Variants in ATG2B observed in about 807,000 individuals in gnomAD.
The protein encoded by ATG2B is autophagy related 2B, also known as autophagy-related protein 2 homolog B.
Under a neutral mutation model 241.3 loss-of-function variants are expected in ATG2B, and 121 were observed. That is an observed-to-expected ratio of 0.50 (90% CI 0.43 to 0.58). ATG2B has a LOEUF of 0.58. Among genes scored for constraint, ATG2B ranks in the 20% least tolerant of loss-of-function variants. The pLI is 0.00. For synonymous variants in ATG2B, 858 were observed against 876.6 expected (o/e 0.98, Z 0.37); for missense variants, 2,306 against 2,491.6 (o/e 0.93, Z 1.59).
chr14:96,290,778 T>C lies in ATG2B; in HGVS notation c.5701+36A>G. 6.3e-7 allele frequency: 1 copy of C among 1,589,000 alleles called. No homozygotes were observed. Among genetic ancestry groups the C allele is most frequent in the Non-Finnish European group, 8.5e-7 (1 of 1,170,814 alleles). ...GATAAGAATTACTCATCTGAAAAAA[T>C]AACTTATCTTTTGATTAAAAAAGAA... On this transcript the variant is annotated intron_variant, in intron 39 of 41. Coordinates refer to ENST00000359933, the MANE Select transcript of ATG2B (RefSeq NM_018036.7). This position sits in a 1 kb window ranked among gnomAD's most constrained non-coding sequence, Gnocchi z 4.4.
At position 96,280,911 on chromosome 14, in the gene ATG2B, G is replaced by A. The variant is rs1245180972; in HGVS notation, c.*4844C>T. On this transcript the variant is annotated 3_prime_UTR_variant, in exon 42 of 42. Transcript: ENST00000359933. Reference sequence around the variant, plus strand: ...AAATAAATAAATAAAATAAAAATAAGTATGTCTTTTAAATATTCCCTTCAT... The same window carrying A: ...AAATAAATAAATAAAATAAAAATAAATATGTCTTTTAAATATTCCCTTCAT... The A allele has an allele frequency of 6.6e-6, 1 of 152,114 alleles. No individual in the cohort carries two copies. Among genetic ancestry groups the A allele is most frequent in the Non-Finnish European group, 1.5e-5 (1 of 68,020 alleles). 9.4% of individuals were successfully genotyped at this position (152,114 alleles called of 1,614,324 possible).
In ATG2B at chr14:96,316,620, A is replaced by C. The variant is rs1887319997; in HGVS notation, c.3274T>G (p.Ser1092Ala). The part of the protein sequence containing the change: ...GEFWLEFNSG[S>A]LFCVTKYEGF... ...TCATATTTTGTCACACAAAATAATG[A>C]ACCACTATTGAACTCTAACCAGAAT... The change falls in exon 21 of 42, where the codon TCA becomes GCA. Residue 1092 changes from serine to alanine, a missense_variant. Physicochemically the swap from Ser to Ala is moderately conservative, Grantham distance 99 (BLOSUM62 1). Transcript: ENST00000359933. 6.2e-7 allele frequency: 1 copy of C among 1,613,282 alleles called. No individual in the cohort carries two copies. Among genetic ancestry groups the C allele is most frequent in the Non-Finnish European group, 8.5e-7 (1 of 1,179,696 alleles).
intron 1 of ATG2B, among the ~76,000 whole-genome samples, chr14:96,348,819 C>T (rs1179819552): frequency 2.0e-5 from 3 of 152,128 alleles, no homozygotes; most frequent in South Asian, 4.1e-4. Flanking sequence ...ATGCATACCC[C>T]TTTTACCCTG....
Position 96,309,555 on chromosome 14 carries a change from G to A in ATG2B, c.4201C>T (p.Leu1401Phe). The A allele has an allele frequency of 1.2e-6, 2 of 1,614,024 alleles. No individual in the cohort carries two copies. The highest frequency in any genetic ancestry group is 2.2e-5 in the East Asian group (1 of 44,880). Residue 1401 changes from leucine to phenylalanine, a missense_variant, in exon 29 of 42, where the codon CTT becomes TTT. Physicochemically the swap from Leu to Phe is conservative, Grantham distance 22. Coordinates refer to ENST00000359933, the MANE Select transcript of ATG2B (RefSeq NM_018036.7). Reference sequence around the variant, plus strand: ...AACATTTGTTGATCTGCTTCAGGAAGTACTGGACCACGTGAGGATGATCGA... The same window carrying A: ...AACATTTGTTGATCTGCTTCAGGAAATACTGGACCACGTGAGGATGATCGA... ...SGRSSSRGPV[L>F]PEADQQMLRD...
In ATG2B at chr14:96,323,581, C is replaced by T. The variant is rs150761924; in HGVS notation, c.2540+315G>A. ...ATTATTTAACCGAAGTAGATCCAGT[C>T]CTTATGAAACTTGTGCTCTAAACTC... On this transcript the variant is annotated intron_variant, in intron 16 of 41. Coordinates refer to ENST00000359933, the MANE Select transcript of ATG2B (RefSeq NM_018036.7). Among the ~76,000 whole-genome samples the T allele has an allele frequency of 5.3e-3, 810 of 152,272 alleles. 27 individuals carry two copies. In the South Asian group the frequency reaches 0.067, roughly 13 times the overall value.
intron 20 of ATG2B, 69 bp downstream of exon 20, chr14:96,317,076 T>C: frequency 7.5e-7 from 1 of 1,333,388 alleles, no homozygotes; most frequent in Non-Finnish European, 1.0e-6. Context: ...AATCACTAGA[T>C]ATGTATCCTA....
intron 1 of ATG2B, among the ~76,000 whole-genome samples, chr14:96,359,837 G>A (rs1888576905): frequency 6.6e-6 from 1 of 152,204 alleles, no homozygotes; most frequent in Non-Finnish European, 1.5e-5. Flanking sequence ...ATAAGGATGT[G>A]AGAGGAAAAT....
chr14:96,302,182 A>C (rs1409947930), intron 33 of ATG2B, 74 bp from the exon 34 acceptor site: 1 of 954,580 alleles, frequency 1.0e-6, no homozygotes, highest in Non-Finnish European at 1.6e-6. Context: ...AATAAGAAAA[A>C]AAAAGAAAAA....
chr14:96,302,681 A>G (rs911935300), intron 33 of ATG2B, among the ~76,000 whole-genome samples: 2 of 152,230 alleles, frequency 1.3e-5, no homozygotes, highest in Non-Finnish European at 2.9e-5. Flanking sequence ...GAAGCTAACC[A>G]TAGGTCCATA....
intron 1 of ATG2B, among the ~76,000 whole-genome samples, chr14:96,360,145 T>C (rs1363367884): frequency 1.3e-5 from 2 of 152,246 alleles, no homozygotes; most frequent in Non-Finnish European, 2.9e-5. Context: ...TGGTTTCTCC[T>C]ATGGCCAAGT....
chr14:96,308,239 T>TATATATACAC (rs1566719605), intron 29 of ATG2B, among the ~76,000 whole-genome samples: 3 of 17,478 alleles, frequency 1.7e-4, no homozygotes, highest in Non-Finnish European at 3.8e-4. Context: ...TACATATATA[T>TATATATACAC]ATATATATAT....
intron 2 of ATG2B, 149 bp from the exon 3 acceptor site, chr14:96,345,534 A>T: frequency 3.6e-6 from 2 of 551,438 alleles, no homozygotes; most frequent in South Asian, 8.7e-5. Context: ...ATATTCTAGA[A>T]AGTACTCTTG....
intron 28 of ATG2B, among the ~76,000 whole-genome samples, chr14:96,310,013 G>A (rs1887105372): frequency 6.6e-6 from 1 of 152,134 alleles, no homozygotes; most frequent in African/African-American, 2.4e-5. Context: ...AACAACAGTA[G>A]GGGGCACACA....
rs557797500 is a variant in ATG2B at position 96,326,016 on chromosome 14, C to A, written c.2164-94G>T. On this transcript the variant is annotated intron_variant, in intron 14 of 41. Coordinates refer to ENST00000359933, the MANE Select transcript of ATG2B (RefSeq NM_018036.7). ...ACATTACAATATGTATAATCACTAT[C>A]TCCCCATTTGGTATAATGCATTAAA... 19 of 1,234,294 alleles carry A rather than the reference C, an allele frequency of 1.5e-5. No homozygotes were observed. The African/African-American group carries it at 2.6e-4, about 17-fold the overall frequency. The allele number at this position is 1,234,294 out of a possible 1,614,324, so 76.5% of individuals were successfully genotyped here. A position where few individuals can be genotyped will look rare whatever the true frequency, so the allele number is the denominator to read the frequency against.
rs1275289253 is a variant in ATG2B at position 96,317,726 on chromosome 14, A to G, written c.3009T>C (p.Phe1003=). 1 of 1,611,386 alleles carries G rather than the reference A, an allele frequency of 6.2e-7. No individual in the cohort carries two copies. The highest frequency in any genetic ancestry group is 1.7e-5 in the Admixed American group (1 of 59,814). ...QLINTFNKDS[F]SAFKSAVHYD... ...AGTGAACTGCAGATTTAAATGCACT[A>G]AAACTATCTTTGTTGAAAGTATTAA... The change falls in exon 19 of 42, where the codon TTT becomes TTC. Residue 1003 remains phenylalanine (F), a synonymous_variant. Coordinates refer to ENST00000359933, the MANE Select transcript of ATG2B (RefSeq NM_018036.7).
At position 96,305,711 on chromosome 14, in the gene ATG2B, G is replaced by A. The variant is rs1473969382; in HGVS notation, c.4611C>T (p.Ala1537=). 1.2e-6 allele frequency: 2 copies of A among 1,614,124 alleles called. No homozygotes were observed. Among genetic ancestry groups the A allele is most frequent in the Non-Finnish European group, 8.5e-7 (1 of 1,180,008 alleles). ...LPVNKTDTSK[A]PLHFPIPVIR... is the part of the protein sequence containing the mutation. ...TCACAGGAATGGGAAAGTGTAAGGG[G>A]GCTTTGCTCGTATCGGTCTTATTAA... The change falls in exon 31 of 42, where the codon GCC becomes GCT. Residue 1537 remains alanine, a synonymous_variant. Coordinates refer to ENST00000359933, the MANE Select transcript of ATG2B (RefSeq NM_018036.7).
At chr14:96,359,473 C>T (rs1247051737) in intron 1 of ATG2B, among the ~76,000 whole-genome samples, 1 of 152,178 alleles carries the variant, frequency 6.6e-6, no homozygotes, top group Non-Finnish European at 1.5e-5. Flanking sequence ...TAGTTCACTG[C>T]TATATCCCCC....
At position 96,306,704 on chromosome 14, in the gene ATG2B, A is replaced by G; in HGVS notation, c.4506+10T>C. On this transcript the variant is annotated intron_variant, in intron 30 of 41. Transcript: ENST00000359933. ...CATTCAAGGCTTCAATAATGTTATT[A>G]ATTTATTACCTGCATGGCTGCTTTT... The G allele has an allele frequency of 1.9e-6, 3 of 1,608,892 alleles. No individual in the cohort carries two copies. The highest frequency in any genetic ancestry group is 2.6e-6 in the Non-Finnish European group (3 of 1,176,436).
Position 96,323,960 on chromosome 14 carries a change from A to C in ATG2B, c.2476T>G (p.Phe826Val), listed in dbSNP as rs375972006. The change falls in exon 16 of 42, where the codon TTT becomes GTT. Residue 826 changes from phenylalanine to valine, a missense_variant. Phe to Val is a conservative substitution (Grantham distance 50). This residue lies in a region of ATG2B where 1,927 missense variants were observed against 2,011.2 expected (regional missense o/e 0.96). Transcript: ENST00000359933. ...QEEKGDPSIK[F>V]FHVSSGVDGD... ...TCTACTCCACTAGACACATGGAAAAACTTAATAGATGGATCTCCTTTCTCT... is the reference window on the plus strand; with the variant it reads ...TCTACTCCACTAGACACATGGAAAACCTTAATAGATGGATCTCCTTTCTCT... The C allele has an allele frequency of 6.2e-7, 1 of 1,610,732 alleles. No homozygotes were observed. Among genetic ancestry groups the C allele is most frequent in the Non-Finnish European group, 8.5e-7 (1 of 1,179,094 alleles).
Sources: gnomAD v4.1 joint callset for allele counts (sites outside exome capture counted in the v4.1 genomes callset) on GRCh38, gnomAD v4.1.1 for gene constraint, gnomAD v4.1.1 regional missense constraint, Gnocchi (gnomAD v3.1) non-coding constraint, MANE v1.5 for transcripts, NCBI Gene and HGNC (gene_info 2026-07-23, HGNC 2026-07-21) for gene names.